The following HNRNPM variants were observed in gnomAD, a reference collection of about 807,000 sequenced individuals.
HNRNPM encodes CEA receptor.
HNRNPM carries 11 observed loss-of-function variants against 73.1 expected under a neutral mutation model. The ratio of observed to expected loss-of-function variants is 0.15; its 90% CI spans 0.09 to 0.25. The LOEUF (loss-of-function observed/expected upper bound fraction) is 0.25. HNRNPM is among the 10% of genes least tolerant of loss of function. The probability of loss-of-function intolerance (pLI) is 1.00; values close to 1 mark genes in which losing one functional copy is unlikely to be tolerated. For synonymous variants in HNRNPM, 407 were observed against 355.2 expected (o/e 1.15, Z -1.64); for missense variants, 789 against 1,067.9 (o/e 0.74, Z 3.64).
In HNRNPM at chr19:8,445,027, A is replaced by AGGTGGCGGCGAC. The variant is rs1398023286; in HGVS notation, c.32_43dup (p.Val11_Thr14dup). Reference sequence around the variant, plus strand: ...GCGGCAGGGGTCGAAGCGGCGGCGGAGGTGGCGGCGACGGAGATCAAAATG... The same window carrying AGGTGGCGGCGAC: ...GCGGCAGGGGTCGAAGCGGCGGCGGAGGTGGCGGCGACGGTGGCGGCGACGGAGATCAAAATG... On this transcript the variant is annotated inframe_insertion, in exon 1 of 16. Coordinates refer to ENST00000325495, the MANE Select transcript of HNRNPM (RefSeq NM_005968.5). 4 of 1,421,382 alleles carry AGGTGGCGGCGAC rather than the reference A, an allele frequency of 2.8e-6. No homozygotes were observed. Among genetic ancestry groups the AGGTGGCGGCGAC allele is most frequent in the Non-Finnish European group, 1.8e-6 (2 of 1,090,650 alleles). 88.0% of individuals were successfully genotyped at this position (1,421,382 alleles called of 1,614,324 possible).
In HNRNPM at chr19:8,471,526, TTA is replaced by T. The variant is rs1970137484; in HGVS notation, c.997+100_997+101del. ...TGAGTAGTTTAAATGGAATAAATAT[TTA>T]ACTGGGACAAAATTCCCTCCTTATT... is the stretch of plus-strand genomic sequence containing the variant. On this transcript the variant is annotated intron_variant, in intron 10 of 15. Coordinates refer to ENST00000325495, the MANE Select transcript of HNRNPM (RefSeq NM_005968.5). The T allele has an allele frequency of 1.7e-5, 9 of 533,858 alleles. No homozygotes were observed. The South Asian group carries it at 3.1e-4, about 19-fold the overall frequency. The allele number at this position is 533,858 out of a possible 1,614,324, so 33.1% of individuals were successfully genotyped here. A position where few individuals can be genotyped will look rare whatever the true frequency, so the allele number is the denominator to read the frequency against.
intron 1 of HNRNPM, among the ~76,000 whole-genome samples, chr19:8,452,301 T>G (rs528457779): frequency 1.1e-4 from 17 of 152,356 alleles, no homozygotes; most frequent in African/African-American, 3.8e-4. Context: ...TGTTTTTTAT[T>G]GTAAATCTTA....
chr19:8,471,225 G>T (rs1970111182), intron 9 of HNRNPM, 101 bp from the exon 10 acceptor site: 2 of 607,050 alleles, frequency 3.3e-6, no homozygotes, highest in Non-Finnish European at 2.8e-6. Context: ...GGGGTGGGTA[G>T]GCTGAAGTGG....
At chr19:8,471,752 A>G (rs1882169224) in intron 10 of HNRNPM, among the ~76,000 whole-genome samples, 1 of 152,192 alleles carries the variant, frequency 6.6e-6, no homozygotes. Flanking sequence ...GACAGGCTGC[A>G]GGTCTCCTGA....
At chr19:8,478,256 GAATGAAT>G (rs1054706780) in intron 12 of HNRNPM, among the ~76,000 whole-genome samples, 5 of 152,292 alleles carry the variant, frequency 3.3e-5, no homozygotes, top group South Asian at 2.1e-4. Flanking sequence ...AGGGAATGAA[GAATGAAT>G]AATGGTTTCC....
chr19:8,460,789 G>A (rs1969346129), intron 2 of HNRNPM, among the ~76,000 whole-genome samples: 1 of 152,176 alleles, frequency 6.6e-6, no homozygotes, highest in Non-Finnish European at 1.5e-5. Flanking sequence ...TTATTAGGTG[G>A]TAGTCATAGC....
chr19:8,466,413 T>G, intron 7 of HNRNPM, 25 bp downstream of exon 7: 1 of 1,612,522 alleles, frequency 6.2e-7, no homozygotes, highest in African/African-American at 1.3e-5. Flanking sequence ...GAATTCAACT[T>G]ATGAACAGTT....
In HNRNPM at chr19:8,454,525, G is replaced by A. The variant is rs1968854704; in HGVS notation, c.114-880G>A. 2.6e-5 allele frequency among the ~76,000 whole-genome samples: 4 copies of A among 152,120 alleles called. No individual in the cohort carries two copies. The South Asian group carries it at 8.3e-4, about 32-fold the overall frequency. On this transcript the variant is annotated intron_variant, in intron 1 of 15. Coordinates refer to ENST00000325495, the MANE Select transcript of HNRNPM (RefSeq NM_005968.5). ...CTACCTTTTGGCTTGTGTGAGTAGT[G>A]CTGCTATGAACATTGGCATATGTGT...
intron 12 of HNRNPM, among the ~76,000 whole-genome samples, chr19:8,480,668 TAA>T (rs774783310): frequency 4.4e-5 from 6 of 137,628 alleles, no homozygotes; most frequent in African/African-American, 2.7e-5. Flanking sequence ...GTCTCAAAAT[TAA>T]AAAAAAAAAA....
At chr19:8,487,176 A>G (rs1227334913) in intron 15 of HNRNPM, 101 bp downstream of exon 15, 1 of 983,436 alleles carries the variant, frequency 1.0e-6, no homozygotes, top group South Asian at 1.3e-5. Context: ...CCGTCGGCTC[A>G]GGACCCATGG....
chr19:8,478,657 T>C (rs1203801888), intron 12 of HNRNPM, among the ~76,000 whole-genome samples: 1 of 152,194 alleles, frequency 6.6e-6, no homozygotes, highest in African/African-American at 2.4e-5. Flanking sequence ...TTTTAGTGTT[T>C]TATTGCTATA....
At chr19:8,485,027 G>GGT (rs1429027957) in intron 13 of HNRNPM, among the ~76,000 whole-genome samples, 1 of 151,956 alleles carries the variant, frequency 6.6e-6, no homozygotes. Flanking sequence ...AGGATCTCTC[G>GGT]GTGTGTGTTT....
chr19:8,468,429 T>A (rs1179276339), intron 8 of HNRNPM, among the ~76,000 whole-genome samples: 1 of 152,132 alleles, frequency 6.6e-6, no homozygotes, highest in African/African-American at 2.4e-5. Flanking sequence ...TATAAAGCAA[T>A]TTTTTCATTA....
chr19:8,460,384 G>A (rs1969316963), intron 2 of HNRNPM, among the ~76,000 whole-genome samples: 1 of 152,176 alleles, frequency 6.6e-6, no homozygotes, highest in Non-Finnish European at 1.5e-5. Flanking sequence ...AGTTTGTGAG[G>A]AGGATGGGCA....
In HNRNPM at chr19:8,445,008, G is replaced by T; in HGVS notation, c.10G>T (p.Gly4Trp). 1 of 1,423,346 alleles carries T rather than the reference G, an allele frequency of 7.0e-7. No individual in the cohort carries two copies. The highest frequency in any genetic ancestry group is 2.9e-5 in the East Asian group (1 of 34,822). 88.2% of individuals were successfully genotyped at this position (1,423,346 alleles called of 1,614,324 possible). A position where few individuals can be genotyped will look rare whatever the true frequency, so the allele number is the denominator to read the frequency against. The change falls in exon 1 of 16, where the codon GGG (glycine) becomes TGG (tryptophan). Residue 4 changes from glycine to tryptophan, a missense_variant. Transcript: ENST00000325495. ...CCCAGACGCGGAGAAAATGGCGGCA[G>T]GGGTCGAAGCGGCGGCGGAGGTGGC... MAA[G>W]VEAAAEVAAT...
At chr19:8,463,812 A>G in intron 5 of HNRNPM, 126 bp downstream of exon 5, 1 of 662,008 alleles carries the variant, frequency 1.5e-6, no homozygotes, top group East Asian at 2.7e-5. Context: ...GTTGTTTCTA[A>G]TGAAGAGTGT....
chr19:8,488,892 A>C lies in HNRNPM; in HGVS notation c.*38A>C. The C allele has an allele frequency of 6.5e-7, 1 of 1,529,928 alleles. No homozygotes were observed. Among genetic ancestry groups the C allele is most frequent in the East Asian group, 2.3e-5 (1 of 43,810 alleles). 94.8% of individuals were successfully genotyped at this position (1,529,928 alleles called of 1,614,324 possible). A position where few individuals can be genotyped will look rare whatever the true frequency, so the allele number is the denominator to read the frequency against. On this transcript the variant is annotated 3_prime_UTR_variant, in exon 16 of 16. Transcript: ENST00000325495. ...TTTAAACATCGATACGAGACCTCTG[A>C]ATTTGTATTTTTTCTTGTTAACCAT...
At chr19:8,445,272 CGGGGAGCCG>C (rs1182916317) in intron 1 of HNRNPM, 161 bp downstream of exon 1, 5 of 550,124 alleles carry the variant, frequency 9.1e-6, no homozygotes, top group Non-Finnish European at 1.4e-5. Context: ...GGGCCGTGAG[CGGGGAGCCG>C]GGGGAGCCTC....
chr19:8,451,290 G>T (rs1248810827), intron 1 of HNRNPM, among the ~76,000 whole-genome samples: 1 of 152,014 alleles, frequency 6.6e-6, no homozygotes, highest in Non-Finnish European at 1.5e-5. Flanking sequence ...TGATCTGCCC[G>T]CCTCGGCCCC....
Sources: allele counts gnomAD v4.1 joint callset (sites outside exome capture counted in the v4.1 genomes callset), GRCh38; gene constraint gnomAD v4.1.1; transcripts MANE v1.5; gene names NCBI Gene and HGNC (gene_info 2026-07-23, HGNC 2026-07-21).